The following CYP39A1 variants were observed in gnomAD, a reference collection of about 807,000 sequenced individuals.
The protein encoded by CYP39A1 is 24-hydroxycholesterol 7-alpha-hydroxylase.
In CYP39A1, 49 loss-of-function variants were observed where a neutral mutation model predicts 58.1. That is an observed-to-expected ratio of 0.84 (90% CI 0.67 to 1.07). The LOEUF is 1.07. Among genes scored for constraint, CYP39A1 ranks in the 50% least tolerant of loss-of-function variants. The pLI is 0.00. For synonymous variants in CYP39A1, 209 were observed against 187.6 expected (o/e 1.11, Z -0.93); for missense variants, 531 against 539.4 (o/e 0.98, Z 0.16).
In CYP39A1 at chr6:46,637,860, A is replaced by G. The variant is rs1562014771; in HGVS notation, c.607T>C (p.Tyr203His). 6 of 1,612,268 alleles carry G rather than the reference A, an allele frequency of 3.7e-6. No homozygotes were observed. The highest frequency in any genetic ancestry group is 2.7e-5 in the African/African-American group (2 of 74,772). ...YFQVYDEDFE[Y>H]GSQLPECLLR... is the part of the protein sequence containing the mutation. ...AGACACTCTGGCAACTGGGACCCAT[A>G]CTCAAAATCTTCATCATAAACTTGA... The change falls in exon 4 of 12, where the codon TAT becomes CAT. Residue 203 changes from tyrosine to histidine, a missense_variant. Physicochemically the swap from Tyr to His is moderately conservative, Grantham distance 83. Coordinates refer to ENST00000275016, the MANE Select transcript of CYP39A1 (RefSeq NM_016593.5).
At chr6:46,598,777 T>C (rs989852158) in intron 7 of CYP39A1, among the ~76,000 whole-genome samples, 1 of 152,118 alleles carries the variant, frequency 6.6e-6, no homozygotes, top group Non-Finnish European at 1.5e-5. Context: ...AAAGAAAGAA[T>C]AAGTGCTTTG....
chr6:46,599,275 C>T (rs1385785677), intron 7 of CYP39A1, among the ~76,000 whole-genome samples: 1 of 152,106 alleles, frequency 6.6e-6, no homozygotes. Flanking sequence ...TTAAAGTGTG[C>T]AACTCGCTAT....
intron 7 of CYP39A1, among the ~76,000 whole-genome samples, chr6:46,615,526 G>T (rs1049829040): frequency 6.6e-6 from 1 of 151,926 alleles, no homozygotes; most frequent in African/African-American, 2.4e-5. Context: ...CTGTGTACTG[G>T]TGTCATATTT....
chr6:46,562,514 T>A (rs1369691533), intron 10 of CYP39A1, among the ~76,000 whole-genome samples: 2 of 151,948 alleles, frequency 1.3e-5, no homozygotes, highest in African/African-American at 4.8e-5. Context: ...ATGCCTATAA[T>A]CCCAGTGCTT....
chr6:46,608,729 C>T (rs1774004645), intron 7 of CYP39A1, among the ~76,000 whole-genome samples: 1 of 152,064 alleles, frequency 6.6e-6, no homozygotes, highest in African/African-American at 2.4e-5. Context: ...ATTCTACTGC[C>T]TCAGCCTCCC....
chr6:46,646,792 C>T (rs962227976), intron 1 of CYP39A1, among the ~76,000 whole-genome samples: 2 of 151,888 alleles, frequency 1.3e-5, no homozygotes, highest in South Asian at 2.1e-4. Context: ...TGTTAGAATA[C>T]GTTTTTCTAA....
At chr6:46,616,237 TCCCTC>T (rs1561994482) in intron 7 of CYP39A1, among the ~76,000 whole-genome samples, 1,157 of 51,198 alleles carry the variant, frequency 0.023, 133 homozygotes, top group Admixed American at 0.059. Context: ...CCTCCCTCCC[TCCCTC>T]CCTTCCTTCC....
intron 10 of CYP39A1, chr6:46,583,555 T>G: frequency 1.0e-6 from 1 of 985,384 alleles, no homozygotes; most frequent in Non-Finnish European, 1.2e-6. Flanking sequence ...GTCTGGTGGT[T>G]CATGCTGCTC....
intron 8 of CYP39A1, among the ~76,000 whole-genome samples, chr6:46,593,632 T>C (rs915089272): frequency 6.6e-6 from 1 of 152,314 alleles, no homozygotes; most frequent in Middle Eastern, 3.4e-3. Flanking sequence ...TGGATTTTTA[T>C]CTGTGTTCTA....
rs187276909 is a variant in CYP39A1 at position 46,579,316 on chromosome 6, T to C, written c.1250+7761A>G. ...TTCGATAAAATTCCACATTCCTTCA[T>C]GTTAAAAACCCTCAACAAACTAGGC... On this transcript the variant is annotated intron_variant, in intron 10 of 11. Transcript: ENST00000275016. Among the ~76,000 whole-genome samples, 5 of 152,246 alleles carry C rather than the reference T, an allele frequency of 3.3e-5. No homozygotes were observed. The East Asian group carries it at 7.7e-4, about 23-fold the overall frequency.
intron 7 of CYP39A1, among the ~76,000 whole-genome samples, chr6:46,618,181 C>A (rs1017498376): frequency 2.6e-5 from 4 of 152,078 alleles, no homozygotes. Context: ...ACTACGCTAT[C>A]TATCTAATTT....
chr6:46,622,534 G>C (rs987769971), intron 7 of CYP39A1, among the ~76,000 whole-genome samples: 6 of 149,482 alleles, frequency 4.0e-5, no homozygotes, highest in African/African-American at 1.5e-4. Flanking sequence ...GATCACTTGA[G>C]CCCAGGAGCT....
Position 46,589,199 on chromosome 6 carries a change from T to C in CYP39A1, c.1066-1070A>G, listed in dbSNP as rs573140709. Among the ~76,000 whole-genome samples, 7 of 152,262 alleles carry C rather than the reference T, an allele frequency of 4.6e-5. No homozygotes were observed. In the South Asian group the frequency reaches 1.2e-3, roughly 27 times the overall value. ...TGGGTGTGGTGGCTCATGCCTGTAA[T>C]CCTAGCACTTTGGGAGGCCTTGGTC... On this transcript the variant is annotated intron_variant, in intron 8 of 11. Coordinates refer to ENST00000275016, the MANE Select transcript of CYP39A1 (RefSeq NM_016593.5).
chr6:46,567,669 T>A (rs143952668), intron 10 of CYP39A1, among the ~76,000 whole-genome samples: 2 of 152,270 alleles, frequency 1.3e-5, no homozygotes, highest in African/African-American at 4.8e-5. Context: ...CTAATGGATA[T>A]GCCAACTCAA....
At chr6:46,621,939 A>T (rs1388673965) in intron 7 of CYP39A1, among the ~76,000 whole-genome samples, 1 of 152,190 alleles carries the variant, frequency 6.6e-6, no homozygotes, top group African/African-American at 2.4e-5. Context: ...ATCTAGCAAC[A>T]TATAAAGAAA....
At chr6:46,577,765 C>T (rs1771917859) in intron 10 of CYP39A1, among the ~76,000 whole-genome samples, 1 of 127,934 alleles carries the variant, frequency 7.8e-6, no homozygotes, top group African/African-American at 4.0e-5. Flanking sequence ...TGCTGAAGCA[C>T]CCAGATTCAT....
chr6:46,551,723 C>T (rs1274488678), intron 11 of CYP39A1, among the ~76,000 whole-genome samples: 2 of 152,228 alleles, frequency 1.3e-5, no homozygotes, highest in East Asian at 3.9e-4. Context: ...CCACTGATTT[C>T]CCCTGCACCT....
At chr6:46,571,652 T>C (rs1771588431) in intron 10 of CYP39A1, among the ~76,000 whole-genome samples, 1 of 151,856 alleles carries the variant, frequency 6.6e-6, no homozygotes, top group African/African-American at 2.4e-5. Context: ...CTGGGTATTG[T>C]TTTTGTTTGC....
chr6:46,619,438 C>T (rs764942472), intron 7 of CYP39A1, among the ~76,000 whole-genome samples: 1 of 151,910 alleles, frequency 6.6e-6, no homozygotes, highest in African/African-American at 2.4e-5. Flanking sequence ...CATAAATACA[C>T]AAATAAAAAA....
Sources: gnomAD v4.1 joint callset for allele counts (sites outside exome capture counted in the v4.1 genomes callset) on GRCh38, gnomAD v4.1.1 for gene constraint, MANE v1.5 for transcripts, NCBI Gene and HGNC (gene_info 2026-07-23, HGNC 2026-07-21) for gene names.